Variants in ST7 observed in about 807,000 individuals in gnomAD.
ST7 encodes the protein suppression of tumorigenicity 7, also known as suppressor of tumorigenicity 7 protein.
ST7 carries 28 observed loss-of-function variants against 78.7 expected under a neutral mutation model. The observed-to-expected ratio is 0.36, with a 90% CI of 0.26 to 0.49. The LOEUF is 0.49. ST7 is among the 20% of genes least tolerant of loss of function. The pLI, the probability that ST7 is intolerant of heterozygous loss-of-function variation, is 0.99. For synonymous variants in ST7, 247 were observed against 249.6 expected (o/e 0.99, Z 0.10); for missense variants, 418 against 696.0 (o/e 0.60, Z 4.49).
At chr7:117,131,798 A>G in intron 5 of ST7, 87 bp from the exon 6 acceptor site, 2 of 1,172,148 alleles carry the variant, frequency 1.7e-6, no homozygotes, top group Non-Finnish European at 2.5e-6. Flanking sequence ...ATTTAAGCTG[A>G]CACTCCTAAT....
At chr7:116,967,345 G>A (rs767969073) in intron 1 of ST7, 30 of 471,140 alleles carry the variant, frequency 6.4e-5, no homozygotes, top group Admixed American at 4.2e-4. Flanking sequence ...CTCCACTTGC[G>A]CTACTCTCAC....
At position 117,230,025 on chromosome 7, in the gene ST7, T is replaced by C; in HGVS notation, c.*168T>C. The C allele has an allele frequency of 1.3e-6, 1 of 744,988 alleles. No homozygotes were observed. The highest frequency in any genetic ancestry group is 2.5e-6 in the Non-Finnish European group (1 of 406,610). The allele number at this position is 744,988 out of a possible 1,614,324, so 46.1% of individuals were successfully genotyped here. Reference sequence around the variant, plus strand: ...AAAAGCTGTTTTTGTTGTACAAAATTCACTGATGTTCAGTTCTATTTTATT... The same window carrying C: ...AAAAGCTGTTTTTGTTGTACAAAATCCACTGATGTTCAGTTCTATTTTATT... On this transcript the variant is annotated 3_prime_UTR_variant, in exon 16 of 16. Coordinates refer to ENST00000323984, the MANE Select transcript of ST7 (RefSeq NM_001369598.1).
chr7:117,123,617 T>C (rs1217179754), intron 3 of ST7, among the ~76,000 whole-genome samples: 5 of 152,196 alleles, frequency 3.3e-5, no homozygotes, highest in Non-Finnish European at 5.9e-5. Context: ...TAAACCCTGC[T>C]GATATATTCT....
intron 7 of ST7, 143 bp from the exon 8 acceptor site, chr7:117,135,938 A>G: frequency 1.3e-6 from 1 of 785,904 alleles, no homozygotes; most frequent in Non-Finnish European, 2.1e-6. Context: ...ATTTTGTGTC[A>G]GCAACTACAA....
intron 12 of ST7, chr7:117,198,186 A>G (rs1210205512): frequency 6.2e-6 from 2 of 321,136 alleles, no homozygotes; most frequent in Non-Finnish European, 1.2e-5. Flanking sequence ...ATGAGGATAA[A>G]AGTAATGGCT....
rs1017064560 is a variant in ST7, at chr7:117,059,881, G to C, written c.152-39881G>C. Among the ~76,000 whole-genome samples the C allele has an allele frequency of 2.2e-4, 34 of 151,788 alleles. 1 individual carries two copies. The highest frequency in any genetic ancestry group is 3.2e-4 in the Non-Finnish European group (22 of 67,986). On this transcript the variant is annotated intron_variant, in intron 1 of 15. Coordinates refer to ENST00000323984, the MANE Select transcript of ST7 (RefSeq NM_001369598.1). ...GCCTGTAGTCCTAGCTATTTGGGAG[G>C]CTGAGGTGGGAGGATCGCTTGATCT... is the stretch of plus-strand genomic sequence containing the variant.
At chr7:117,084,806 G>A (rs1027574746) in intron 1 of ST7, among the ~76,000 whole-genome samples, 4 of 152,088 alleles carry the variant, frequency 2.6e-5, no homozygotes, top group Non-Finnish European at 4.4e-5. Context: ...TACAAATTGT[G>A]ATTATATAAA....
chr7:117,023,805 CGT>C (rs369099100), intron 1 of ST7, among the ~76,000 whole-genome samples: 48 of 146,150 alleles, frequency 3.3e-4, no homozygotes, highest in South Asian at 4.3e-4. Context: ...CGTGTGTGTG[CGT>C]GTGTGTGTGT....
intron 1 of ST7, among the ~76,000 whole-genome samples, chr7:117,065,232 G>A (rs1007385897): frequency 6.9e-6 from 1 of 145,042 alleles, no homozygotes; most frequent in Non-Finnish European, 1.5e-5. Context: ...TTTTTTAGAC[G>A]GAGTCTGGCA....
intron 1 of ST7, among the ~76,000 whole-genome samples, chr7:116,979,290 A>G (rs938619546): frequency 1.3e-5 from 2 of 152,260 alleles, no homozygotes; most frequent in Non-Finnish European, 2.9e-5. Flanking sequence ...TCTCTGACTC[A>G]TTGAAATATT....
chr7:117,175,992 T>A (rs931666016), intron 10 of ST7, among the ~76,000 whole-genome samples: 3 of 152,226 alleles, frequency 2.0e-5, no homozygotes, highest in African/African-American at 7.2e-5. Flanking sequence ...TGATAAGAAC[T>A]AAAATTCTTA....
intron 1 of ST7, among the ~76,000 whole-genome samples, chr7:117,097,908 A>ATATATATATATATATATTT: frequency 1.3e-4 from 4 of 30,010 alleles, no homozygotes; most frequent in African/African-American, 3.2e-4. Flanking sequence ...ATATATATAT[A>ATATATATATATATATATTT]TTTTTTTTTT....
intron 9 of ST7, among the ~76,000 whole-genome samples, chr7:117,141,741 C>T (rs1433164669): frequency 1.3e-5 from 2 of 151,972 alleles, no homozygotes; most frequent in Non-Finnish European, 2.9e-5. Flanking sequence ...CACGACTTGG[C>T]TCACTACAGC....
At chr7:116,954,781 T>A (rs1282055025) in intron 1 of ST7, 1 of 263,506 alleles carries the variant, frequency 3.8e-6, no homozygotes, top group Non-Finnish European at 7.5e-6. Context: ...TATCTTCCCT[T>A]GTTAATCTCC....
intron 12 of ST7, among the ~76,000 whole-genome samples, chr7:117,209,390 A>T (rs1333887664): frequency 1.3e-5 from 2 of 152,188 alleles, no homozygotes; most frequent in Non-Finnish European, 2.9e-5. Context: ...ACTCAATCTC[A>T]AATCTTTCTA....
chr7:117,184,144 A>C (rs1368138937), intron 10 of ST7: 1 of 152,288 alleles, frequency 6.6e-6, no homozygotes, highest in African/African-American at 2.4e-5. Context: ...TCTATAAAAC[A>C]TAAGATGGCA....
At chr7:117,137,078 G>T (rs1274311497) in intron 8 of ST7, 1 of 152,074 alleles carries the variant, frequency 6.6e-6, no homozygotes, top group Non-Finnish European at 1.5e-5. Context: ...AAGTTATTTT[G>T]TTTCTCACTT....
chr7:117,050,931 A>C (rs78205506), intron 1 of ST7, among the ~76,000 whole-genome samples: 8 of 147,842 alleles, frequency 5.4e-5, no homozygotes, highest in Non-Finnish European at 1.0e-4. Flanking sequence ...TACGTCTCAA[A>C]AAAAAAAAAA....
chr7:116,961,555 CGTGTGT>C (rs35640208), intron 1 of ST7, among the ~76,000 whole-genome samples: 8,215 of 138,440 alleles, frequency 0.059, 356 homozygotes, highest in African/African-American at 0.12. Context: ...TGTATTCCTA[CGTGTGT>C]GTGTGTGTGT....
Sources: gnomAD v4.1 joint callset for allele counts (sites outside exome capture counted in the v4.1 genomes callset) on GRCh38, gnomAD v4.1.1 for gene constraint, MANE v1.5 for transcripts, NCBI Gene and HGNC (gene_info 2026-07-23, HGNC 2026-07-21) for gene names.